The following SNTG1 variants were observed in gnomAD, a reference collection of about 807,000 sequenced individuals.
SNTG1 encodes syntrophin gamma 1.
Under a neutral mutation model 74.7 loss-of-function variants are expected in SNTG1, and 39 were observed. That is an observed-to-expected ratio of 0.52 (90% CI 0.40 to 0.68). SNTG1 has a LOEUF of 0.68. Ranked by LOEUF, SNTG1 falls within the 30% of genes least tolerant of loss-of-function variation. The pLI is 0.00. For synonymous variants in SNTG1, 254 were observed against 217.1 expected (o/e 1.17, Z -1.49); for missense variants, 685 against 609.5 (o/e 1.12, Z -1.30).
At chr8:50,533,960 C>A (rs2094289414) in intron 10 of SNTG1, among the ~76,000 whole-genome samples, 1 of 152,126 alleles carries the variant, frequency 6.6e-6, no homozygotes, top group South Asian at 2.1e-4. Flanking sequence ...CTTTAACAAT[C>A]TTTGACATTT....
chr8:50,627,108 C>A (rs1024408739), intron 13 of SNTG1, among the ~76,000 whole-genome samples: 5 of 151,992 alleles, frequency 3.3e-5, no homozygotes, highest in Non-Finnish European at 2.9e-5. Context: ...TCTACTTTTT[C>A]TGATTTAAAC....
chr8:50,565,298 T>C (rs1303377373), intron 12 of SNTG1, among the ~76,000 whole-genome samples: 1 of 152,030 alleles, frequency 6.6e-6, no homozygotes, highest in African/African-American at 2.4e-5. Context: ...TGGTAAAACC[T>C]GTGGAAATCT....
At chr8:50,538,806 T>C (rs995678913) in intron 11 of SNTG1, among the ~76,000 whole-genome samples, 1 of 152,170 alleles carries the variant, frequency 6.6e-6, no homozygotes, top group African/African-American at 2.4e-5. Context: ...TCTACATCTC[T>C]GTTGATGCAA....
In SNTG1 at chr8:50,045,223, T is replaced by C. The variant is rs139565209; in HGVS notation, c.-102-127338T>C. On this transcript the variant is annotated intron_variant, in intron 1 of 18. Transcript: ENST00000642720. ...AAGAAATACTTGTGGCTGGGTAATA[T>C]ATATAAAGAAAGGAGGTTTAATTGG... Among the ~76,000 whole-genome samples, 541 of 152,226 alleles carry C rather than the reference T, an allele frequency of 3.6e-3. 4 individuals are homozygous for C. The highest frequency in any genetic ancestry group is 0.012 in the African/African-American group (517 of 41,538).
At chr8:50,015,389 C>T (rs986299489) in intron 1 of SNTG1, among the ~76,000 whole-genome samples, 1 of 151,896 alleles carries the variant, frequency 6.6e-6, no homozygotes, top group Admixed American at 6.6e-5. Flanking sequence ...TGAACAAAGC[C>T]TCAGAGAAAA....
chr8:50,374,678 C>T (rs745769891), intron 2 of SNTG1, among the ~76,000 whole-genome samples: 15 of 152,164 alleles, frequency 9.9e-5, no homozygotes, highest in Admixed American at 2.6e-4. Context: ...ATAAAGTGAA[C>T]TTAAGAAACC....
rs556987106 is a variant in SNTG1 at position 50,257,540 on chromosome 8, T to C, written c.-28+84905T>C. Among the ~76,000 whole-genome samples the C allele has an allele frequency of 5.9e-5, 9 of 152,320 alleles. No homozygotes were observed. In the East Asian group the frequency reaches 1.4e-3, roughly 23 times the overall value. ...CAGAAAACAATGTAGATTTGGTTGG[T>C]GAGCAGTTAAGAGGGGGTAAAATGG... is the stretch of plus-strand genomic sequence containing the variant. On this transcript the variant is annotated intron_variant, in intron 2 of 18. Transcript: ENST00000642720.
Position 50,084,320 on chromosome 8 carries a change from G to T in SNTG1, c.-102-88241G>T, listed in dbSNP as rs190250218. Among the ~76,000 whole-genome samples the T allele has an allele frequency of 6.2e-4, 95 of 152,148 alleles. 1 individual carries two copies. The highest frequency in any genetic ancestry group is 2.0e-3 in the African/African-American group (85 of 41,524). ...AAAAAAAAACACAAAGATTAGCCTG[G>T]CATGGTAGTGGGCACCTGTAGTCCC... On this transcript the variant is annotated intron_variant, in intron 1 of 18. Transcript: ENST00000642720.
At position 50,026,744 on chromosome 8, in the gene SNTG1, GA is replaced by G. The variant is rs1817296685; in HGVS notation, c.-103+114516del. Among the ~76,000 whole-genome samples, 4 of 152,110 alleles carry G rather than the reference GA, an allele frequency of 2.6e-5. No individual in the cohort carries two copies. The South Asian group carries it at 8.3e-4, about 32-fold the overall frequency. Reference sequence around the variant, plus strand: ...ATCCTAAAAATTATCTTGCCCCCTTGAAAGGAACAAATTTTAAATAAAAACA... The same window carrying G: ...ATCCTAAAAATTATCTTGCCCCCTTGAAGGAACAAATTTTAAATAAAAACA... On this transcript the variant is annotated intron_variant, in intron 1 of 18. Coordinates refer to ENST00000642720, the MANE Select transcript of SNTG1 (RefSeq NM_018967.5).
At chr8:50,604,497 A>T (rs2094798281) in intron 13 of SNTG1, among the ~76,000 whole-genome samples, 1 of 152,122 alleles carries the variant, frequency 6.6e-6, no homozygotes, top group Non-Finnish European at 1.5e-5. Context: ...ACCTCAAACT[A>T]CAAGGCAATG....
Position 50,708,866 on chromosome 8 carries a change from ATAC to A in SNTG1, c.1192-18_1192-16del. The A allele has an allele frequency of 6.5e-7, 1 of 1,542,328 alleles. No homozygotes were observed. The highest frequency in any genetic ancestry group is 9.0e-7 in the Non-Finnish European group (1 of 1,115,872). On this transcript the variant is annotated splice_polypyrimidine_tract_variant and intron_variant, in intron 16 of 18. Transcript: ENST00000642720. ...TGCATCAATAACATGAAAAGTAACA[ATAC>A]TTTCTGTTCTACCTAGTGCAAGACC...
Position 50,119,390 on chromosome 8 carries a change from A to G in SNTG1, c.-102-53171A>G, listed in dbSNP as rs1431897258. On this transcript the variant is annotated intron_variant, in intron 1 of 18. Transcript: ENST00000642720. Reference sequence around the variant, plus strand: ...GGCAACTTGTGCTCAGAGGAGTCCTATGGCTGAGGCTTGTTCCCAGGATTC... The same window carrying G: ...GGCAACTTGTGCTCAGAGGAGTCCTGTGGCTGAGGCTTGTTCCCAGGATTC... Among the ~76,000 whole-genome samples the G allele has an allele frequency of 1.4e-5, 2 of 140,880 alleles. 1 individual carries two copies. The highest frequency in any genetic ancestry group is 1.5e-4 in the Admixed American group (2 of 13,530). The allele number at this position is 140,880 out of a possible 152,430, so 92.4% of individuals were successfully genotyped here.
At chr8:50,210,500 G>A (rs971149977) in intron 2 of SNTG1, among the ~76,000 whole-genome samples, 5 of 152,146 alleles carry the variant, frequency 3.3e-5, no homozygotes, top group African/African-American at 1.2e-4. Flanking sequence ...TACCCACAAA[G>A]GGAAGGCCAG....
chr8:50,451,331 T>C (rs1039533739), intron 8 of SNTG1, among the ~76,000 whole-genome samples: 1 of 152,226 alleles, frequency 6.6e-6, no homozygotes, highest in African/African-American at 2.4e-5. Flanking sequence ...ACTTGTTATA[T>C]AAGGGACTTG....
rs559747713 is a variant in SNTG1, at chr8:50,381,045, T to G, written c.-27-13167T>G. On this transcript the variant is annotated intron_variant, in intron 2 of 18. Transcript: ENST00000642720. ...CATGCTTTGTGGCTTATCACTGAGC[T>G]GTCCATGGAGATTCTACATGGATCA... The G allele has an allele frequency of 2.0e-5, 3 of 152,284 alleles. No homozygotes were observed. In the East Asian group the frequency reaches 5.8e-4, roughly 29 times the overall value. 9.4% of individuals were successfully genotyped at this position (152,284 alleles called of 1,614,324 possible).
intron 4 of SNTG1, among the ~76,000 whole-genome samples, chr8:50,434,731 A>G (rs932282638): frequency 2.6e-5 from 4 of 152,120 alleles, no homozygotes; most frequent in Non-Finnish European, 5.9e-5. Flanking sequence ...TAGATTTTTA[A>G]TAATTAGAGG....
intron 1 of SNTG1, among the ~76,000 whole-genome samples, chr8:49,959,018 C>T (rs1295205960): frequency 6.6e-6 from 1 of 152,222 alleles, no homozygotes; most frequent in Non-Finnish European, 1.5e-5. Flanking sequence ...TATGATTCTC[C>T]TTGCAATATA....
chr8:50,560,597 C>T (rs2130679405), intron 12 of SNTG1, among the ~76,000 whole-genome samples: 1 of 152,298 alleles, frequency 6.6e-6, no homozygotes, highest in East Asian at 1.9e-4. Flanking sequence ...AAGCTGTTAT[C>T]CTCTGCAAAC....
At chr8:50,583,124 A>G (rs763903535) in intron 12 of SNTG1, among the ~76,000 whole-genome samples, 2 of 152,170 alleles carry the variant, frequency 1.3e-5, no homozygotes, top group Non-Finnish European at 2.9e-5. Context: ...ACATGAGAGC[A>G]GGCATGGTGG....
Sources: gnomAD v4.1 joint callset for allele counts (sites outside exome capture counted in the v4.1 genomes callset) on GRCh38, gnomAD v4.1.1 for gene constraint, MANE v1.5 for transcripts, NCBI Gene and HGNC (gene_info 2026-07-23, HGNC 2026-07-21) for gene names.